Variants in SLC22A23 observed in about 807,000 individuals in gnomAD.
The protein encoded by SLC22A23 is ion transporter protein.
A neutral mutation model predicts 61.0 loss-of-function variants in SLC22A23; 26 were observed. The ratio of observed to expected loss-of-function variants is 0.43; its 90% confidence interval spans 0.31 to 0.59. SLC22A23 has a LOEUF of 0.59. SLC22A23 is among the 20% of genes least tolerant of loss of function. SLC22A23 has a pLI of 0.11. For synonymous variants in SLC22A23, 430 were observed against 413.9 expected (o/e 1.04, Z -0.47); for missense variants, 796 against 934.7 (o/e 0.85, Z 1.94).
intron 4 of SLC22A23, among the ~76,000 whole-genome samples, chr6:3,302,292 T>C (rs886463672): frequency 6.6e-6 from 1 of 152,188 alleles, no homozygotes; most frequent in African/African-American, 2.4e-5. Context: ...TCTTTTTTTG[T>C]TTCTGATTTT....
chr6:3,365,125 T>C (rs1039726485), intron 3 of SLC22A23, among the ~76,000 whole-genome samples: 7 of 152,210 alleles, frequency 4.6e-5, no homozygotes, highest in Admixed American at 2.6e-4. Context: ...TGGAGATCAA[T>C]CTGGTCAACA....
intron 1 of SLC22A23, chr6:3,438,376 C>G: frequency 2.7e-6 from 1 of 376,422 alleles, no homozygotes; most frequent in Admixed American, 3.2e-5. Flanking sequence ...TGCCTTGGCA[C>G]AGGTAGCAGA....
At chr6:3,277,433 C>A (rs551546496) in intron 9 of SLC22A23, among the ~76,000 whole-genome samples, 1 of 152,124 alleles carries the variant, frequency 6.6e-6, no homozygotes, top group Non-Finnish European at 1.5e-5. Flanking sequence ...CTCCTCCCGC[C>A]GCAGTGCACT....
chr6:3,397,954 C>T (rs1267043840), intron 3 of SLC22A23, among the ~76,000 whole-genome samples: 3 of 152,232 alleles, frequency 2.0e-5, no homozygotes, highest in Non-Finnish European at 4.4e-5. Flanking sequence ...GAATGGGGGG[C>T]CCTGGGGCCT....
intron 4 of SLC22A23, among the ~76,000 whole-genome samples, chr6:3,310,321 C>CTCCCAGGGAGCACCCTGT (rs1762290914): frequency 7.6e-6 from 1 of 132,354 alleles, no homozygotes; most frequent in African/African-American, 3.0e-5. Context: ...AAGCACCCTG[C>CTCCCAGGGAGCACCCTGT]CTCCCACTCG....
chr6:3,303,720 G>A (rs1279969435), intron 4 of SLC22A23, among the ~76,000 whole-genome samples: 1 of 152,188 alleles, frequency 6.6e-6, no homozygotes, highest in African/African-American at 2.4e-5. Flanking sequence ...GGGAGAAATA[G>A]GGAGAGATTG....
chr6:3,443,384 C>T (rs986507455), intron 1 of SLC22A23, among the ~76,000 whole-genome samples: 9 of 152,122 alleles, frequency 5.9e-5, no homozygotes, highest in African/African-American at 2.2e-4. Flanking sequence ...TGGTGACTGT[C>T]CAACGGCTCC....
At chr6:3,398,274 C>T (rs1473280973) in intron 3 of SLC22A23, among the ~76,000 whole-genome samples, 2 of 151,986 alleles carry the variant, frequency 1.3e-5, no homozygotes, top group Admixed American at 6.6e-5. Flanking sequence ...CTAACCCTAC[C>T]CCCAACCCTG....
intron 1 of SLC22A23, among the ~76,000 whole-genome samples, chr6:3,431,718 G>C (rs746845509): frequency 6.6e-6 from 1 of 152,180 alleles, no homozygotes; most frequent in Non-Finnish European, 1.5e-5. Context: ...CAAATAGCTA[G>C]GGACAATATG....
intron 3 of SLC22A23, among the ~76,000 whole-genome samples, chr6:3,400,388 G>C (rs542788984): frequency 6.6e-6 from 1 of 152,198 alleles, no homozygotes; most frequent in South Asian, 2.1e-4. Context: ...AGTGGGCCTC[G>C]TGGAAGAGGA....
chr6:3,377,358 G>A (rs546791802), intron 3 of SLC22A23, among the ~76,000 whole-genome samples: 147 of 152,256 alleles, frequency 9.7e-4, no homozygotes, highest in African/African-American at 3.5e-3. Context: ...ATGGAATGAT[G>A]GAATGGAGAG....
At chr6:3,303,296 A>C (rs1033845151) in intron 4 of SLC22A23, 2 of 152,214 alleles carry the variant, frequency 1.3e-5, no homozygotes, top group Admixed American at 6.5e-5. Context: ...AACAGTACAG[A>C]GGTTCCTCAA....
At chr6:3,275,386 G>A (rs1311242161) in intron 9 of SLC22A23, among the ~76,000 whole-genome samples, 1 of 152,116 alleles carries the variant, frequency 6.6e-6, no homozygotes, top group Non-Finnish European at 1.5e-5. Context: ...CAAGAGAAAA[G>A]CTTTATGACG....
chr6:3,290,486 G>A (rs4959797), intron 5 of SLC22A23: 11,614 of 155,560 alleles, frequency 0.075, 509 homozygotes, highest in Admixed American at 0.12. Context: ...ACATTCATAC[G>A]CATGCATATA....
At chr6:3,278,457 G>A (rs1369962220) in intron 9 of SLC22A23, among the ~76,000 whole-genome samples, 1 of 152,238 alleles carries the variant, frequency 6.6e-6, no homozygotes, top group African/African-American at 2.4e-5. Context: ...ACCGTTCAAA[G>A]ACACTCTGCA....
At chr6:3,380,519 A>G (rs4959236) in intron 3 of SLC22A23, among the ~76,000 whole-genome samples, 48,267 of 152,012 alleles carry the variant, frequency 0.32, 7,839 homozygotes, top group Middle Eastern at 0.38. Flanking sequence ...ATTTAAATCA[A>G]TATGTACAAA....
intron 3 of SLC22A23, among the ~76,000 whole-genome samples, chr6:3,358,298 A>AC (rs66748857): frequency 0.41 from 62,414 of 151,916 alleles, 13,737 homozygotes; most frequent in African/African-American, 0.57. Context: ...AGTGTTATCC[A>AC]CAACAGCCAA....
At position 3,333,328 on chromosome 6, in the gene SLC22A23, G is replaced by T. The variant is rs1763679725; in HGVS notation, c.914-9326C>A. ...AGCATCATAAAATCACAATCACTCTGGGTGATAGCTAATTTCACACCACAC... is the reference window on the plus strand; with the variant it reads ...AGCATCATAAAATCACAATCACTCTTGGTGATAGCTAATTTCACACCACAC... On this transcript the variant is annotated intron_variant, in intron 3 of 9. Coordinates refer to ENST00000406686, the MANE Select transcript of SLC22A23 (RefSeq NM_015482.2). The surrounding 1 kb of genome is among the most constrained non-coding windows in gnomAD (Gnocchi z 4.1). Among the ~76,000 whole-genome samples, 1 of 152,144 alleles carries T rather than the reference G, an allele frequency of 6.6e-6. No individual in the cohort carries two copies. Among genetic ancestry groups the T allele is most frequent in the Admixed American group, 6.5e-5 (1 of 15,268 alleles).
In SLC22A23 at chr6:3,410,403, C is replaced by T. The variant is rs1053287711; in HGVS notation, c.759-61G>A. On this transcript the variant is annotated intron_variant, in intron 2 of 9. Transcript: ENST00000406686. The surrounding 1 kb of genome is among the most constrained non-coding windows in gnomAD (Gnocchi z 5.0). ...TGAAACAAGACAATGACGCTAGATG[C>T]TGAAACCCGGTGTCCAGCAGGCACT... 5 of 1,497,756 alleles carry T rather than the reference C, an allele frequency of 3.3e-6. No individual in the cohort carries two copies. The African/African-American group carries it at 7.0e-5, about 21-fold the overall frequency. 92.8% of individuals were successfully genotyped at this position (1,497,756 alleles called of 1,614,324 possible). A position where few individuals can be genotyped will look rare whatever the true frequency, so the allele number is the denominator to read the frequency against.
Sources: gnomAD v4.1 joint callset for allele counts (sites outside exome capture counted in the v4.1 genomes callset) on GRCh38, gnomAD v4.1.1 for gene constraint, Gnocchi (gnomAD v3.1) non-coding constraint, MANE v1.5 for transcripts, NCBI Gene and HGNC (gene_info 2026-07-23, HGNC 2026-07-21) for gene names.